RBFOX1: variants seen among roughly 807,000 people sequenced by gnomAD.
RBFOX1 encodes RNA binding protein fox-1 homolog 1.
In RBFOX1, 8 loss-of-function variants were observed where a neutral mutation model predicts 57.7. The observed-to-expected ratio is 0.14, with a 90% CI of 0.08 to 0.25. The LOEUF (loss-of-function observed/expected upper bound fraction) is 0.25, where lower values mean the gene tolerates loss of function less well. Ranked by LOEUF, RBFOX1 falls within the 10% of genes least tolerant of loss-of-function variation. The pLI, the probability that RBFOX1 is intolerant of heterozygous loss-of-function variation, is 1.00. For missense variants in RBFOX1, 611 were observed against 548.5 expected (o/e 1.11, Z -1.14); for synonymous variants, 326 against 222.4 (o/e 1.47, Z -4.15).
At chr16:6,752,407 C>T (rs146314433) in intron 3 of RBFOX1, among the ~76,000 whole-genome samples, 83 of 152,188 alleles carry the variant, frequency 5.5e-4, no homozygotes, top group Middle Eastern at 6.8e-3. Context: ...AAGAAATTGG[C>T]CACAAGGAAG....
chr16:5,361,332 T>C (rs1482755900), intron 1 of RBFOX1, among the ~76,000 whole-genome samples: 2 of 152,134 alleles, frequency 1.3e-5, no homozygotes, highest in Admixed American at 1.3e-4. Flanking sequence ...GGTTAAGAAG[T>C]GGGCCAACTA....
chr16:6,240,777 C>T (rs772311284), intron 1 of RBFOX1, among the ~76,000 whole-genome samples: 1 of 152,096 alleles, frequency 6.6e-6, no homozygotes, highest in Non-Finnish European at 1.5e-5. Flanking sequence ...TTGGACTTTT[C>T]TATTCCATTT....
chr16:7,424,851 A>C (rs1447322952), intron 4 of RBFOX1, among the ~76,000 whole-genome samples: 1 of 152,176 alleles, frequency 6.6e-6, no homozygotes, highest in Non-Finnish European at 1.5e-5. Context: ...CCCTCTGGAA[A>C]TAACAGGTGT....
chr16:5,968,649 T>C (rs2059900076), intron 4 of RBFOX1, among the ~76,000 whole-genome samples: 1 of 152,184 alleles, frequency 6.6e-6, no homozygotes, highest in South Asian at 2.1e-4. Context: ...TGTCTAGTAA[T>C]TTGCAATCCT....
chr16:5,259,318 G>A (rs1328449141), intron 1 of RBFOX1, among the ~76,000 whole-genome samples: 1 of 152,090 alleles, frequency 6.6e-6, no homozygotes, highest in Non-Finnish European at 1.5e-5. Context: ...TTGATGATTA[G>A]GGGCTCAGCT....
At chr16:6,812,266 G>A (rs569262579) in intron 3 of RBFOX1, among the ~76,000 whole-genome samples, 76 of 152,296 alleles carry the variant, frequency 5.0e-4, no homozygotes, top group African/African-American at 1.8e-3. Flanking sequence ...TGTTCAAAAT[G>A]AAAGTATCTC....
In RBFOX1 at chr16:6,701,037, G is replaced by C. The variant is rs77636283; in HGVS notation, c.-16+46387G>C. Among the ~76,000 whole-genome samples, 71 of 102,484 alleles carry C rather than the reference G, an allele frequency of 6.9e-4. 1 individual carries two copies. In the East Asian group the frequency reaches 0.011, roughly 16 times the overall value. 67.2% of individuals were successfully genotyped at this position (102,484 alleles called of 152,430 possible). A position where few individuals can be genotyped will look rare whatever the true frequency, so the allele number is the denominator to read the frequency against. ...GAGTAGAGAGCAGAGTTGGGCAGAG[G>C]GGGGGGTGAGTCAGACTATGATGTG... On this transcript the variant is annotated intron_variant, in intron 3 of 15. Coordinates refer to ENST00000550418, the MANE Select transcript of RBFOX1 (RefSeq NM_018723.4).
chr16:6,674,048 C>G (rs1043826845), intron 3 of RBFOX1, among the ~76,000 whole-genome samples: 1 of 151,966 alleles, frequency 6.6e-6, no homozygotes, highest in Non-Finnish European at 1.5e-5. Context: ...TTAGGATTAC[C>G]CTAGGAAATA....
intron 4 of RBFOX1, among the ~76,000 whole-genome samples, chr16:5,952,562 C>T (rs2059542986): frequency 2.0e-5 from 3 of 152,200 alleles, no homozygotes; most frequent in Admixed American, 6.5e-5. Flanking sequence ...GCTAAGATTA[C>T]AGGCATAAGT....
At chr16:5,974,842 C>G (rs1325813917) in intron 4 of RBFOX1, among the ~76,000 whole-genome samples, 1 of 151,798 alleles carries the variant, frequency 6.6e-6, no homozygotes, top group Non-Finnish European at 1.5e-5. Flanking sequence ...AACCCTGTCT[C>G]TATTAAAAAT....
chr16:7,526,703 G>T (rs1480116206), intron 5 of RBFOX1, among the ~76,000 whole-genome samples: 1 of 152,164 alleles, frequency 6.6e-6, no homozygotes, highest in Non-Finnish European at 1.5e-5. Flanking sequence ...CATAACTTTT[G>T]CTCATTGACT....
chr16:6,956,832 C>G (rs2153536975), intron 3 of RBFOX1, among the ~76,000 whole-genome samples: 1 of 152,224 alleles, frequency 6.6e-6, no homozygotes, highest in South Asian at 2.1e-4. Context: ...CTGGAGCTAT[C>G]CAAGGATTTG....
At chr16:7,197,358 C>A (rs957100113) in intron 4 of RBFOX1, among the ~76,000 whole-genome samples, 8 of 144,170 alleles carry the variant, frequency 5.5e-5, no homozygotes. Flanking sequence ...CCCAGAGCTT[C>A]TTTCTGTTTC....
In RBFOX1 at chr16:7,525,396, A is replaced by G. The variant is rs531174683; in HGVS notation, c.270+7007A>G. On this transcript the variant is annotated intron_variant, in intron 5 of 15. Transcript: ENST00000550418. ...CACTGTTGATATTTACCATCAGGCT[A>G]CAGTACAGAGCTAGGTACAAAGATT... Among the ~76,000 whole-genome samples the G allele has an allele frequency of 1.4e-3, 206 of 152,276 alleles. 1 individual carries two copies. Among genetic ancestry groups the G allele is most frequent in the African/African-American group, 4.7e-3 (194 of 41,572 alleles).
intron 3 of RBFOX1, among the ~76,000 whole-genome samples, chr16:6,907,698 G>A (rs901948283): frequency 6.6e-6 from 1 of 152,142 alleles, no homozygotes; most frequent in Admixed American, 6.5e-5. Context: ...AGCCTCCTGA[G>A]TAGCTGGGAT....
chr16:6,299,454 G>A (rs369211588), intron 1 of RBFOX1, among the ~76,000 whole-genome samples: 1 of 152,210 alleles, frequency 6.6e-6, no homozygotes, highest in Non-Finnish European at 1.5e-5. Context: ...GAAGCTCAGA[G>A]AGGTCGAGTA....
At chr16:7,696,655 T>A (rs1380647620) in intron 14 of RBFOX1, among the ~76,000 whole-genome samples, 1 of 152,150 alleles carries the variant, frequency 6.6e-6, no homozygotes, top group Non-Finnish European at 1.5e-5. Flanking sequence ...AAGACCTTCA[T>A]GGTATGGGAG....
intron 3 of RBFOX1, among the ~76,000 whole-genome samples, chr16:6,727,555 C>T (rs528809468): frequency 2.0e-5 from 3 of 152,158 alleles, no homozygotes; most frequent in African/African-American, 7.2e-5. Context: ...GGAGAGGGAA[C>T]CGTACAAACA....
At chr16:5,325,781 T>C (rs937491851) in intron 1 of RBFOX1, among the ~76,000 whole-genome samples, 4 of 152,264 alleles carry the variant, frequency 2.6e-5, no homozygotes, top group African/African-American at 9.6e-5. Context: ...TTTAGACTAG[T>C]ATTCCATTGT....
Sources: gnomAD v4.1 joint callset for allele counts (sites outside exome capture counted in the v4.1 genomes callset) on GRCh38, gnomAD v4.1.1 for gene constraint, MANE v1.5 for transcripts, NCBI Gene and HGNC (gene_info 2026-07-23, HGNC 2026-07-21) for gene names.